The following SATB2 variants were observed in gnomAD, a reference collection of about 807,000 sequenced individuals.
The protein encoded by SATB2 is SATB homeobox 2.
Under a neutral mutation model 73.4 loss-of-function variants are expected in SATB2, and 1 was observed. The ratio of observed to expected loss-of-function variants is 0.01; its 90% confidence interval spans 0.00 to 0.06. The LOEUF is 0.06. Among genes scored for constraint, SATB2 ranks in the 10% least tolerant of loss-of-function variants. The pLI is 1.00. For missense variants in SATB2, 459 were observed against 945.8 expected, an observed-to-expected ratio of 0.49 and a Z score of 6.75; for synonymous variants, 397 against 367.0, an observed-to-expected ratio of 1.08 and a Z score of -0.93.
chr2:199,397,782 C>T (rs751691388), intron 3 of SATB2: 7 of 422,882 alleles, frequency 1.7e-5, no homozygotes, highest in South Asian at 9.9e-5. Context: ...CCAGCTACTC[C>T]GGAGGCTGAG....
chr2:199,437,616 A>C (rs1288111620), intron 2 of SATB2, among the ~76,000 whole-genome samples: 1 of 152,224 alleles, frequency 6.6e-6, no homozygotes, highest in Non-Finnish European at 1.5e-5. Flanking sequence ...TGAGTAGTTC[A>C]TCTTACCTCT....
chr2:199,330,736 A>T (rs1279369560), intron 7 of SATB2, among the ~76,000 whole-genome samples: 3 of 152,234 alleles, frequency 2.0e-5, no homozygotes, highest in Non-Finnish European at 4.4e-5. Context: ...TGTTTTGAAG[A>T]TAAAAATCTT....
chr2:199,390,317 A>G (rs1690092116), intron 3 of SATB2, among the ~76,000 whole-genome samples: 1 of 152,188 alleles, frequency 6.6e-6, no homozygotes, highest in South Asian at 2.1e-4. Flanking sequence ...ATGAGAAAGA[A>G]AAGTGTGATG....
At chr2:199,305,976 A>G (rs1687421298) in intron 10 of SATB2, among the ~76,000 whole-genome samples, 1 of 152,148 alleles carries the variant, frequency 6.6e-6, no homozygotes. Context: ...CACATTTCCT[A>G]TCTAATTAGA....
chr2:199,402,307 C>G (rs1559032816), intron 3 of SATB2, among the ~76,000 whole-genome samples: 1 of 152,144 alleles, frequency 6.6e-6, no homozygotes, highest in Non-Finnish European at 1.5e-5. Context: ...ATCACTTGAA[C>G]CCGGAAGGTG....
chr2:199,370,197 C>T (rs532398653), intron 5 of SATB2, among the ~76,000 whole-genome samples: 56 of 152,062 alleles, frequency 3.7e-4, no homozygotes, highest in Non-Finnish European at 6.8e-4. Context: ...CTGAGATTCA[C>T]TCTGTTCCTA....
At chr2:199,405,128 C>G (rs372554213) in intron 3 of SATB2, among the ~76,000 whole-genome samples, 198 of 152,280 alleles carry the variant, frequency 1.3e-3, no homozygotes, top group Admixed American at 3.6e-3. Flanking sequence ...TTTACCAGTA[C>G]AGGCAAACAA....
At chr2:199,273,797 C>T (rs1005530257) in intron 10 of SATB2, among the ~76,000 whole-genome samples, 1 of 151,888 alleles carries the variant, frequency 6.6e-6, no homozygotes, top group African/African-American at 2.4e-5. Context: ...TCTACCTATT[C>T]CCCACTCATT....
Position 199,328,761 on chromosome 2 carries a change from C to T in SATB2, c.1323G>A (p.Met441Ile). 1 of 1,613,922 alleles carries T rather than the reference C, an allele frequency of 6.2e-7. No individual in the cohort carries two copies. The highest frequency in any genetic ancestry group is 8.5e-7 in the Non-Finnish European group (1 of 1,179,958). The change falls in exon 8 of 11, where the codon ATG (methionine) becomes ATA (isoleucine). Residue 441 changes from methionine to isoleucine, a missense_variant. Physicochemically the swap from Met to Ile is conservative, Grantham distance 10. This residue lies in a region of SATB2 where 53 missense variants were observed against 70.5 expected (regional missense o/e 0.75). Transcript: ENST00000417098. ...AGGAGACCATGCTCACATTGGGATT[C>T]ATGCTCCGCTCCCTCTCATCCTGGT... Reference protein sequence around the residue: ...RIYQDERERSMNPNVSMVSSA... With the variant: ...RIYQDERERSINPNVSMVSSA...
intron 8 of SATB2, among the ~76,000 whole-genome samples, chr2:199,326,950 A>G: frequency 6.6e-6 from 1 of 152,198 alleles, no homozygotes; most frequent in East Asian, 1.9e-4. Context: ...GCAGAGTACA[A>G]AAATATAAAA....
At chr2:199,380,852 A>C (rs191801568) in intron 4 of SATB2, among the ~76,000 whole-genome samples, 26 of 152,328 alleles carry the variant, frequency 1.7e-4, no homozygotes, top group Non-Finnish European at 2.9e-4. Flanking sequence ...CTGTAAACAA[A>C]CATCCCCTGT....
intron 10 of SATB2, among the ~76,000 whole-genome samples, chr2:199,294,939 A>G (rs1475971345): frequency 6.6e-6 from 1 of 152,128 alleles, no homozygotes; most frequent in Non-Finnish European, 1.5e-5. Flanking sequence ...GTTTGAGTTT[A>G]TCATATCTAA....
chr2:199,388,779 C>A (rs1200273911), intron 3 of SATB2, among the ~76,000 whole-genome samples: 1 of 151,944 alleles, frequency 6.6e-6, no homozygotes, highest in Non-Finnish European at 1.5e-5. Context: ...AAAACCCCAG[C>A]CTTAGAAGAA....
chr2:199,292,897 T>G (rs1387886273), intron 10 of SATB2, among the ~76,000 whole-genome samples: 3 of 152,192 alleles, frequency 2.0e-5, no homozygotes, highest in African/African-American at 4.8e-5. Flanking sequence ...AAATGGGGCT[T>G]TTGAAGCCTG....
At chr2:199,355,829 T>A (rs140149418) in intron 6 of SATB2, among the ~76,000 whole-genome samples, 48 of 152,270 alleles carry the variant, frequency 3.2e-4, no homozygotes, top group Admixed American at 7.2e-4. Context: ...AAACTCACCA[T>A]TACAAGAAAA....
intron 3 of SATB2, among the ~76,000 whole-genome samples, chr2:199,427,715 C>T (rs1278263967): frequency 1.3e-5 from 2 of 151,976 alleles, no homozygotes; most frequent in Admixed American, 6.6e-5. Flanking sequence ...ACAAGTCTCT[C>T]GAATTTGTAT....
chr2:199,451,217 C>A (rs1692113255), intron 2 of SATB2, among the ~76,000 whole-genome samples: 1 of 151,620 alleles, frequency 6.6e-6, no homozygotes, highest in African/African-American at 2.4e-5. Flanking sequence ...CTTGAAACAT[C>A]AAATTATGCT....
intron 7 of SATB2, among the ~76,000 whole-genome samples, chr2:199,330,495 C>T (rs1394536346): frequency 1.3e-5 from 2 of 152,046 alleles, no homozygotes; most frequent in African/African-American, 2.4e-5. Context: ...TGCATGCATG[C>T]CCAAGAAGGG....
At chr2:199,374,983 A>C (rs79848081) in intron 5 of SATB2, among the ~76,000 whole-genome samples, 17 of 150,760 alleles carry the variant, frequency 1.1e-4, no homozygotes, top group Middle Eastern at 6.9e-3. Context: ...AAAAAAAAAA[A>C]CCCCACAGTT....
Sources: gnomAD v4.1 joint callset for allele counts (sites outside exome capture counted in the v4.1 genomes callset) on GRCh38, gnomAD v4.1.1 for gene constraint, gnomAD v4.1.1 regional missense constraint, MANE v1.5 for transcripts, NCBI Gene and HGNC (gene_info 2026-07-23, HGNC 2026-07-21) for gene names.